The following ATP13A4 variants were observed in gnomAD, a reference collection of about 807,000 sequenced individuals.
The protein encoded by ATP13A4 is probable cation-transporting ATPase 13A4.
A neutral mutation model predicts 142.5 loss-of-function variants in ATP13A4; 114 were observed. The observed-to-expected ratio is 0.80, with a 90% CI of 0.69 to 0.93. The LOEUF is 0.93. ATP13A4 is among the 40% of genes least tolerant of loss of function. The pLI, the probability that ATP13A4 is intolerant of heterozygous loss-of-function variation, is 0.00. For synonymous variants in ATP13A4, 488 were observed against 514.8 expected (o/e 0.95, Z 0.70); for missense variants, 1,392 against 1,454.0 (o/e 0.96, Z 0.69).
intron 9 of ATP13A4, among the ~76,000 whole-genome samples, chr3:193,469,903 C>A (rs1170678140): frequency 2.6e-5 from 4 of 152,118 alleles, no homozygotes; most frequent in African/African-American, 9.7e-5. Context: ...TGCAGAAGTC[C>A]CAGCATTACA....
At chr3:193,463,263 C>G (rs1276263458) in intron 12 of ATP13A4, among the ~76,000 whole-genome samples, 1 of 151,970 alleles carries the variant, frequency 6.6e-6, no homozygotes, top group Admixed American at 6.6e-5. Flanking sequence ...TTTTGAGGAT[C>G]TAATGGTAGA....
intron 28 of ATP13A4, among the ~76,000 whole-genome samples, chr3:193,409,771 G>T (rs1228217592): frequency 6.6e-6 from 1 of 152,216 alleles, no homozygotes; most frequent in Non-Finnish European, 1.5e-5. Context: ...GTCACTGTGG[G>T]TTTGTGCAGG....
intron 25 of ATP13A4, among the ~76,000 whole-genome samples, chr3:193,432,097 A>T (rs148129767): frequency 2.2e-3 from 292 of 133,914 alleles, no homozygotes; most frequent in African/African-American, 6.8e-3. Context: ...ATATGCCATC[A>T]TTGGGAATGA....
intron 2 of ATP13A4, 75 bp downstream of exon 2, chr3:193,514,623 C>T (rs574833203): frequency 3.2e-6 from 5 of 1,579,804 alleles, no homozygotes; most frequent in East Asian, 2.3e-5. Flanking sequence ...GTGCACATCT[C>T]CCCCCAGCCA....
At chr3:193,453,915 C>A (rs1277228742) in intron 17 of ATP13A4, among the ~76,000 whole-genome samples, 186 bp downstream of exon 17, 1 of 152,184 alleles carries the variant, frequency 6.6e-6, no homozygotes, top group Non-Finnish European at 1.5e-5. Flanking sequence ...TTAGGCAGGG[C>A]AGGGATTACT....
chr3:193,583,115 G>A (rs901282016), intron 1 of ATP13A4, among the ~76,000 whole-genome samples: 2 of 150,756 alleles, frequency 1.3e-5, no homozygotes, highest in Admixed American at 1.3e-4. Context: ...CATAGTTATG[G>A]TCAATACGTA....
chr3:193,453,283 A>T lies in ATP13A4; in HGVS notation c.2027+818T>A, dbSNP rs553356391. 2.4e-3 allele frequency among the ~76,000 whole-genome samples: 359 copies of T among 152,362 alleles called. 2 individuals carry two copies. The highest frequency in any genetic ancestry group is 2.1e-3 in the South Asian group (10 of 4,828). ...TTTATTTTAGAATATTGAGTTCAAA[A>T]ATATAGTTACAAGAGAGTGTTGACT... On this transcript the variant is annotated intron_variant, in intron 17 of 29. Coordinates refer to ENST00000342695, the MANE Select transcript of ATP13A4 (RefSeq NM_032279.4).
rs879902930 is a variant in ATP13A4, at chr3:193,399,550, G to T, written c.*3102C>A. Among the ~76,000 whole-genome samples the T allele has an allele frequency of 6.6e-6, 1 of 152,074 alleles. No individual in the cohort carries two copies. Among genetic ancestry groups the T allele is most frequent in the Non-Finnish European group, 1.5e-5 (1 of 68,014 alleles). On this transcript the variant is annotated 3_prime_UTR_variant, in exon 30 of 30. Transcript: ENST00000342695. Reference sequence around the variant, plus strand: ...GAGTGTCTGTCTGGTATTCTGTGTGGGTAGTAGTAGAAAATAGTTCACATC... The same window carrying T: ...GAGTGTCTGTCTGGTATTCTGTGTGTGTAGTAGTAGAAAATAGTTCACATC...
At chr3:193,500,298 T>C (rs1312501551) in intron 3 of ATP13A4, among the ~76,000 whole-genome samples, 1 of 152,126 alleles carries the variant, frequency 6.6e-6, no homozygotes, top group East Asian at 1.9e-4. Flanking sequence ...GCATCCTGTT[T>C]AACAAGTTAA....
chr3:193,442,598 T>C, intron 18 of ATP13A4, 42 bp from the exon 19 acceptor site: 1 of 1,578,906 alleles, frequency 6.3e-7, no homozygotes, highest in Admixed American at 1.7e-5. Flanking sequence ...GTTGACAAGA[T>C]TGAATTAATT....
intron 1 of ATP13A4, among the ~76,000 whole-genome samples, chr3:193,522,195 G>A (rs1271711707): frequency 6.6e-6 from 1 of 152,136 alleles, no homozygotes; most frequent in African/African-American, 2.4e-5. Context: ...GTCAGCTACT[G>A]CCTATGGAAA....
chr3:193,517,638 G>T (rs540360212), intron 1 of ATP13A4, among the ~76,000 whole-genome samples: 1 of 151,904 alleles, frequency 6.6e-6, no homozygotes, highest in East Asian at 1.9e-4. Context: ...CCGCCACCAC[G>T]CCCGGCTAAT....
chr3:193,543,918 A>C (rs965735464), intron 1 of ATP13A4, among the ~76,000 whole-genome samples: 1 of 152,230 alleles, frequency 6.6e-6, no homozygotes, highest in African/African-American at 2.4e-5. Flanking sequence ...CTACAGCATC[A>C]GTTTAGCTTG....
At chr3:193,516,589 A>T (rs1251171611) in intron 1 of ATP13A4, among the ~76,000 whole-genome samples, 1 of 152,174 alleles carries the variant, frequency 6.6e-6, no homozygotes, top group Non-Finnish European at 1.5e-5. Context: ...TCCAGCTACC[A>T]TTCTTTCCCA....
At position 193,567,547 on chromosome 3, in the gene ATP13A4, G is replaced by A. The variant is rs1724161087; in HGVS notation, n.291+14160C>T. Among the ~76,000 whole-genome samples the A allele has an allele frequency of 3.9e-5, 6 of 152,128 alleles. No homozygotes were observed. In the South Asian group the frequency reaches 1.2e-3, roughly 32 times the overall value. On this transcript the variant is annotated intron_variant and non_coding_transcript_variant, in intron 2 of 3. Transcript: ENST00000489140. ...GAATTAATATTATTTCCAAAGAAGAGGACCCAGAAATGTAAGAGAGTTTAA... is the reference window on the plus strand; with the variant it reads ...GAATTAATATTATTTCCAAAGAAGAAGACCCAGAAATGTAAGAGAGTTTAA...
chr3:193,531,864 G>A (rs1437066589), intron 1 of ATP13A4, among the ~76,000 whole-genome samples: 1 of 152,164 alleles, frequency 6.6e-6, no homozygotes, highest in African/African-American at 2.4e-5. Flanking sequence ...TAAAAAGCTG[G>A]AGTCTCCCAC....
chr3:193,485,810 G>T (rs373088414), intron 7 of ATP13A4, among the ~76,000 whole-genome samples: 1 of 151,712 alleles, frequency 6.6e-6, no homozygotes, highest in South Asian at 2.1e-4. Flanking sequence ...CAATAGGAAG[G>T]TACCATCTCT....
chr3:193,564,246 T>C (rs1335275236), intron 2 of ATP13A4, among the ~76,000 whole-genome samples: 1 of 152,258 alleles, frequency 6.6e-6, no homozygotes, highest in Non-Finnish European at 1.5e-5. Flanking sequence ...ATATGCCTTG[T>C]GGCAAAAGCT....
chr3:193,405,690 A>G (rs1232488203), intron 29 of ATP13A4, among the ~76,000 whole-genome samples: 2 of 152,136 alleles, frequency 1.3e-5, no homozygotes, highest in African/African-American at 4.8e-5. Flanking sequence ...ACCTACCTTC[A>G]GTCTTCTTCT....
Sources: allele counts gnomAD v4.1 joint callset (sites outside exome capture counted in the v4.1 genomes callset), GRCh38; gene constraint gnomAD v4.1.1; transcripts MANE v1.5; gene names NCBI Gene and HGNC (gene_info 2026-07-23, HGNC 2026-07-21).